Variants in LZTFL1 observed in about 807,000 individuals in gnomAD.
LZTFL1 encodes the protein leucine zipper transcription factor-like protein 1.
In LZTFL1, 25 loss-of-function variants were observed where a neutral mutation model predicts 45.9. The observed-to-expected ratio is 0.54, with a 90% CI of 0.40 to 0.76. The LOEUF (loss-of-function observed/expected upper bound fraction) is 0.76. LZTFL1 is among the 30% of genes least tolerant of loss of function. LZTFL1 has a pLI of 0.00. For missense variants in LZTFL1, 277 were observed against 331.1 expected (o/e 0.84, Z 1.27); for synonymous variants, 93 against 117.4 (o/e 0.79, Z 1.35).
intron 2 of LZTFL1, among the ~76,000 whole-genome samples, chr3:45,886,106 G>A (rs990528850): frequency 2.6e-5 from 4 of 152,188 alleles, no homozygotes; most frequent in Non-Finnish European, 4.4e-5. Context: ...CCGGGTTCTG[G>A]TACGTCTGTC....
rs150659912 is a variant in LZTFL1, at chr3:45,870,905, T to A, written c.-214-11889A>T. Among the ~76,000 whole-genome samples the A allele has an allele frequency of 2.2e-4, 33 of 152,298 alleles. No individual in the cohort carries two copies. The East Asian group carries it at 6.0e-3, about 28-fold the overall frequency. On this transcript the variant is annotated intron_variant, in intron 2 of 4. Coordinates refer to the LZTFL1 transcript ENST00000472635. ...AAACATGTATATGTTCCCAGACAAA[T>A]GGATAATACTTGAGTGTTTTGTTTT...
intron 2 of LZTFL1, among the ~76,000 whole-genome samples, chr3:45,837,006 G>A (rs1204424864): frequency 2.0e-5 from 3 of 152,054 alleles, no homozygotes; most frequent in Non-Finnish European, 2.9e-5. Context: ...AGCAGCTACC[G>A]CAACCTCAGC....
At chr3:45,827,050 C>T (rs1423402943) in intron 9 of LZTFL1, 1 of 320,812 alleles carries the variant, frequency 3.1e-6, no homozygotes, top group Non-Finnish European at 5.7e-6. Context: ...AGAGAACTAC[C>T]TAATGCTGCC....
At chr3:45,828,322 GA>G in intron 8 of LZTFL1, 116 bp downstream of exon 8, 1 of 891,496 alleles carries the variant, frequency 1.1e-6, no homozygotes, top group East Asian at 2.4e-5. Flanking sequence ...AATACCTTGA[GA>G]AAAAATAATC....
At chr3:45,905,680 C>G (rs958467139) in intron 2 of LZTFL1, among the ~76,000 whole-genome samples, 1 of 152,244 alleles carries the variant, frequency 6.6e-6, no homozygotes, top group Non-Finnish European at 1.5e-5. Context: ...GCCTGTGAGA[C>G]AGAGAATAGC....
chr3:45,843,315 G>GCTACTATGAGCTACTATGCCTA (rs562586702), upstream of LZTFL1, among the ~76,000 whole-genome samples: 269 of 152,318 alleles, frequency 1.8e-3, no homozygotes, highest in Non-Finnish European at 2.7e-3. Flanking sequence ...CCTACTATGA[G>GCTACTATGAGCTACTATGCCTA]CTATTAATAG....
At chr3:45,909,175 T>C (rs1431144996) in intron 2 of LZTFL1, among the ~76,000 whole-genome samples, 2 of 152,218 alleles carry the variant, frequency 1.3e-5, no homozygotes, top group African/African-American at 2.4e-5. Context: ...TTCTACATTA[T>C]GGCGAGTTGT....
In LZTFL1 at chr3:45,835,514, A is replaced by C. The variant is rs193110890; in HGVS notation, c.323+76T>G. ...ACACACTAGCCCCAAGAAAATATGC[A>C]GCCAAAGATGTTCACTAACTTTTAA... On this transcript the variant is annotated intron_variant, in intron 3 of 9. Transcript: ENST00000296135. 134 of 1,406,102 alleles carry C rather than the reference A, an allele frequency of 9.5e-5. No individual in the cohort carries two copies. The African/African-American group carries it at 1.4e-3, about 15-fold the overall frequency. The allele number at this position is 1,406,102 out of a possible 1,614,324, so 87.1% of individuals were successfully genotyped here. A position where few individuals can be genotyped will look rare whatever the true frequency, so the allele number is the denominator to read the frequency against.
At chr3:45,908,975 TG>T (rs2125771622) in intron 2 of LZTFL1, among the ~76,000 whole-genome samples, 1 of 152,262 alleles carries the variant, frequency 6.6e-6, no homozygotes, top group South Asian at 2.1e-4. Flanking sequence ...CATCACCGCC[TG>T]AGCTTCGCCA....
At chr3:45,905,808 C>T (rs923088178) in intron 2 of LZTFL1, among the ~76,000 whole-genome samples, 3 of 152,196 alleles carry the variant, frequency 2.0e-5, no homozygotes, top group Non-Finnish European at 2.9e-5. Flanking sequence ...GGCTGTCACA[C>T]GTCACCATTT....
In LZTFL1 at chr3:45,828,559, C is replaced by G; in HGVS notation, c.657G>C (p.Lys219Asn). 1 of 1,614,236 alleles carries G rather than the reference C, an allele frequency of 6.2e-7. No individual in the cohort carries two copies. The highest frequency in any genetic ancestry group is 8.5e-7 in the Non-Finnish European group (1 of 1,180,044). Residue 219 changes from lysine (K) to asparagine (N), a missense_variant, in exon 8 of 10, where the codon AAG (lysine) becomes AAC (asparagine). Physicochemically the swap from Lys to Asn is moderately conservative, Grantham distance 94. Coordinates refer to ENST00000296135, the MANE Select transcript of LZTFL1 (RefSeq NM_020347.4). The stretch of plus-strand genomic sequence containing the variant: ...CATTAAGTGTCTTCTGAAACTCACT[C>G]TTTAAGGCAGCGACAGTGTTTTCTA... ...SNLENTVAAL[K>N]SEFQKTLNDK...
chr3:45,855,163 A>G (rs1701370135), intron 3 of LZTFL1: 4 of 761,354 alleles, frequency 5.3e-6, no homozygotes, highest in South Asian at 3.3e-5. Flanking sequence ...AAAATCCTCA[A>G]TAAAATACTG....
Position 45,828,531 on chromosome 3 carries a change from T to C in LZTFL1, c.685A>G (p.Lys229Glu), listed in dbSNP as rs77717940. ...TCCAGTGACTTCTGGTTTTCTGTCT[T>C]GTCATTAAGTGTCTTCTGAAACTCA... ...KSEFQKTLND[K>E]TENQKSLEEN... Residue 229 changes from lysine (K) to glutamate (E), a missense_variant, in exon 8 of 10, where the codon AAG (lysine) becomes GAG (glutamate). By Grantham distance (56) the Lys-to-Glu change is moderately conservative. Coordinates refer to ENST00000296135, the MANE Select transcript of LZTFL1 (RefSeq NM_020347.4). 4.0e-4 allele frequency: 648 copies of C among 1,614,232 alleles called. 3 individuals carry two copies. The African/African-American group carries it at 8.2e-3, about 20-fold the overall frequency.
upstream of LZTFL1, among the ~76,000 whole-genome samples, chr3:45,844,774 A>G (rs1231993639): frequency 2.6e-5 from 4 of 152,192 alleles, no homozygotes; most frequent in Admixed American, 1.3e-4. Context: ...GCAAGAGGCT[A>G]TTTTCAGTTG....
Position 45,835,702 on chromosome 3 carries a change from A to C in LZTFL1, c.211T>G (p.Ser71Ala). Residue 71 changes from serine (S) to alanine (A), a missense_variant, in exon 3 of 10, where the codon TCT becomes GCT. Physicochemically the swap from Ser to Ala is moderately conservative, Grantham distance 99. Transcript: ENST00000296135. ...GTATAGGCAGTGTTGATGAGCTCAG[A>C]TTCCACCTCACTATGAACCACAGCT... is the stretch of plus-strand genomic sequence containing the variant. ...LQAVVHSEVE[S>A]ELINTAYTNV... 6.2e-7 allele frequency: 1 copy of C among 1,614,182 alleles called. No homozygotes were observed. The highest frequency in any genetic ancestry group is 1.1e-5 in the South Asian group (1 of 91,086).
chr3:45,913,125 TCC>T lies in LZTFL1; in HGVS notation c.-222_-221del. 1.4e-5 allele frequency: 21 copies of T among 1,536,074 alleles called. No homozygotes were observed. Among genetic ancestry groups the T allele is most frequent in the Non-Finnish European group, 1.8e-5 (21 of 1,146,846 alleles). On this transcript the variant is annotated 5_prime_UTR_variant, in exon 2 of 5. Transcript: ENST00000472635. Reference sequence around the variant, plus strand: ...TGTAAATGGTTCAGACTTACCATCTTCCCTGGGTCTTGGTTCCTCATCTGTAA... The same window carrying T: ...TGTAAATGGTTCAGACTTACCATCTTCTGGGTCTTGGTTCCTCATCTGTAA...
At chr3:45,902,079 A>G (rs952339946) in intron 2 of LZTFL1, 1 of 584,426 alleles carries the variant, frequency 1.7e-6, no homozygotes, top group Non-Finnish European at 3.0e-6. Context: ...TCAACTGACT[A>G]GTGCAGGAGG....
At chr3:45,850,214 A>G (rs1295678739) in intron 4 of LZTFL1, among the ~76,000 whole-genome samples, 1 of 152,232 alleles carries the variant, frequency 6.6e-6, no homozygotes, top group Non-Finnish European at 1.5e-5. Context: ...CTAACATGCT[A>G]TGTTTAATCC....
At chr3:45,892,516 A>G (rs1056292115) in intron 2 of LZTFL1, among the ~76,000 whole-genome samples, 1 of 152,158 alleles carries the variant, frequency 6.6e-6, no homozygotes, top group Non-Finnish European at 1.5e-5. Context: ...TGTTGAGTAC[A>G]TATGGACACA....
Sources: gnomAD v4.1 joint callset for allele counts (sites outside exome capture counted in the v4.1 genomes callset) on GRCh38, gnomAD v4.1.1 for gene constraint, MANE v1.5 for transcripts, NCBI Gene and HGNC (gene_info 2026-07-23, HGNC 2026-07-21) for gene names.